ROBO1: variants seen among roughly 807,000 people sequenced by gnomAD.
ROBO1 encodes the protein roundabout guidance receptor 1.
Under a neutral mutation model 195.9 loss-of-function variants are expected in ROBO1, and 149 were observed. That is an observed-to-expected ratio of 0.76 (90% CI 0.67 to 0.87). ROBO1 has a LOEUF of 0.87. Among genes scored for constraint, ROBO1 ranks in the 40% least tolerant of loss-of-function variants. ROBO1 has a pLI of 0.00. For missense variants in ROBO1, 1,933 were observed against 2,068.3 expected (o/e 0.93, Z 1.27); for synonymous variants, 816 against 733.2 (o/e 1.11, Z -1.82).
At chr3:79,663,231 G>C (rs1946383044) in intron 1 of ROBO1, among the ~76,000 whole-genome samples, 1 of 151,806 alleles carries the variant, frequency 6.6e-6, no homozygotes, top group African/African-American at 2.4e-5. Flanking sequence ...ATTTGAAAAA[G>C]CCACACTTCT....
intron 28 of ROBO1, among the ~76,000 whole-genome samples, chr3:78,611,559 C>G (rs908361490): frequency 1.3e-5 from 2 of 152,158 alleles, no homozygotes; most frequent in African/African-American, 4.8e-5. Flanking sequence ...GCAGCACTCT[C>G]CTTTGCATCG....
chr3:79,644,048 C>A (rs534070034), intron 1 of ROBO1, among the ~76,000 whole-genome samples: 10 of 152,128 alleles, frequency 6.6e-5, no homozygotes, highest in Admixed American at 2.6e-4. Flanking sequence ...AACCAAAAAC[C>A]AGTAGCTATA....
chr3:79,042,732 A>G lies in ROBO1; in HGVS notation c.172+82724T>C, dbSNP rs577486384. ...TAGGTAAATATGCATTAAGATAATTATTTTTATCTATGATCTAATTTAGAC... is the reference window on the plus strand; with the variant it reads ...TAGGTAAATATGCATTAAGATAATTGTTTTTATCTATGATCTAATTTAGAC... On this transcript the variant is annotated intron_variant, in intron 3 of 30. Coordinates refer to ENST00000464233, the MANE Select transcript of ROBO1 (RefSeq NM_002941.4). Among the ~76,000 whole-genome samples the G allele has an allele frequency of 1.2e-4, 19 of 152,276 alleles. No individual in the cohort carries two copies. In the South Asian group the frequency reaches 3.7e-3, roughly 30 times the overall value.
rs969858186 is a variant in ROBO1, at chr3:78,916,557, G to GAAA, written c.499+22041_499+22043dup. Among the ~76,000 whole-genome samples the GAAA allele has an allele frequency of 6.7e-3, 497 of 74,168 alleles. 8 individuals carry two copies. Among genetic ancestry groups the GAAA allele is most frequent in the African/African-American group, 0.017 (422 of 24,684 alleles). 48.7% of individuals were successfully genotyped at this position (74,168 alleles called of 152,430 possible). On this transcript the variant is annotated intron_variant, in intron 4 of 30. Transcript: ENST00000464233. Reference sequence around the variant, plus strand: ...ACAGAGCAAGTATCTGTCTCAAAAAGAAAAAAAAAAAAAAAAGAAAAAAAT... The same window carrying GAAA: ...ACAGAGCAAGTATCTGTCTCAAAAAGAAAAAAAAAAAAAAAAAAAGAAAAAAAT...
intron 10 of ROBO1, among the ~76,000 whole-genome samples, chr3:78,683,853 T>C (rs553016445): frequency 6.6e-5 from 10 of 151,710 alleles, no homozygotes; most frequent in South Asian, 2.1e-4. Context: ...GAAGAAGACA[T>C]AGAAGAATAT....
chr3:79,193,694 C>A (rs1408723663), intron 2 of ROBO1, among the ~76,000 whole-genome samples: 1 of 150,034 alleles, frequency 6.7e-6, no homozygotes, highest in African/African-American at 2.4e-5. Flanking sequence ...TTTCTAATCC[C>A]AATTATCATT....
intron 2 of ROBO1, among the ~76,000 whole-genome samples, chr3:79,143,064 C>A (rs1203641888): frequency 1.3e-5 from 2 of 151,956 alleles, no homozygotes; most frequent in Non-Finnish European, 2.9e-5. Context: ...GTATTTTTAA[C>A]AAATGAATGG....
chr3:79,684,352 G>C (rs1004833612), intron 1 of ROBO1, among the ~76,000 whole-genome samples: 3 of 151,880 alleles, frequency 2.0e-5, no homozygotes, highest in Admixed American at 6.6e-5. Context: ...ATAACTTTCA[G>C]TTATTTTGCT....
At chr3:78,728,641 G>A (rs1200206357) in intron 5 of ROBO1, among the ~76,000 whole-genome samples, 3 of 152,136 alleles carry the variant, frequency 2.0e-5, no homozygotes, top group Non-Finnish European at 4.4e-5. Flanking sequence ...GGACACCGGG[G>A]CAAGTACACA....
intron 4 of ROBO1, among the ~76,000 whole-genome samples, chr3:78,921,772 C>T (rs963855777): frequency 6.6e-6 from 1 of 150,732 alleles, no homozygotes; most frequent in Non-Finnish European, 1.5e-5. Flanking sequence ...TATAAAAGAA[C>T]AGGAAACAGC....
intron 3 of ROBO1, among the ~76,000 whole-genome samples, chr3:78,955,384 C>T (rs1275230860): frequency 6.6e-6 from 1 of 152,064 alleles, no homozygotes; most frequent in Non-Finnish European, 1.5e-5. Flanking sequence ...CTCCGGTAAA[C>T]CCCAGTGTCT....
At chr3:79,211,137 G>T (rs982334505) in intron 2 of ROBO1, among the ~76,000 whole-genome samples, 8 of 151,942 alleles carry the variant, frequency 5.3e-5, no homozygotes, top group Non-Finnish European at 1.0e-4. Context: ...AATAATTAAA[G>T]AATTTTTTTA....
At chr3:79,647,000 T>C (rs1234185811) in intron 1 of ROBO1, among the ~76,000 whole-genome samples, 2 of 151,994 alleles carry the variant, frequency 1.3e-5, no homozygotes, top group East Asian at 1.9e-4. Flanking sequence ...GACAGATCAG[T>C]AGGGTGACTA....
intron 1 of ROBO1, among the ~76,000 whole-genome samples, chr3:79,643,981 C>A (rs531778098): frequency 1.3e-5 from 2 of 151,976 alleles, no homozygotes; most frequent in Non-Finnish European, 2.9e-5. Flanking sequence ...ACTTCACCTA[C>A]GAAGACACTT....
At chr3:78,860,244 A>G (rs2034730979) in intron 4 of ROBO1, among the ~76,000 whole-genome samples, 1 of 148,522 alleles carries the variant, frequency 6.7e-6, no homozygotes, top group African/African-American at 2.5e-5. Flanking sequence ...TTGTGCATTT[A>G]ATACAGATGT....
chr3:78,910,198 T>G (rs425121), intron 4 of ROBO1, among the ~76,000 whole-genome samples: 57,134 of 151,580 alleles, frequency 0.38, 11,413 homozygotes, highest in African/African-American at 0.51. Flanking sequence ...ATACTTAGCA[T>G]TATATGTTTC....
intron 2 of ROBO1, among the ~76,000 whole-genome samples, chr3:79,201,018 A>G (rs2081753267): frequency 6.6e-6 from 1 of 151,924 alleles, no homozygotes; most frequent in South Asian, 2.1e-4. Flanking sequence ...CCTGTAGGAA[A>G]TATTTTACAT....
At chr3:78,904,758 G>GTA (rs2037802791) in intron 4 of ROBO1, among the ~76,000 whole-genome samples, 1 of 148,678 alleles carries the variant, frequency 6.7e-6, no homozygotes, top group South Asian at 2.1e-4. Context: ...ATATATGTGT[G>GTA]TATATATATG....
At chr3:79,313,783 G>A (rs994752040) in intron 2 of ROBO1, among the ~76,000 whole-genome samples, 3 of 152,108 alleles carry the variant, frequency 2.0e-5, no homozygotes, top group African/African-American at 7.2e-5. Flanking sequence ...TTACTACACA[G>A]TTAAAGGTAA....
Sources: allele counts gnomAD v4.1 joint callset (sites outside exome capture counted in the v4.1 genomes callset), GRCh38; gene constraint gnomAD v4.1.1; transcripts MANE v1.5; gene names NCBI Gene and HGNC (gene_info 2026-07-23, HGNC 2026-07-21).